ALDH1L2: variants seen among roughly 807,000 people sequenced by gnomAD.
ALDH1L2 encodes aldehyde dehydrogenase 1 family member L2, also known as mitochondrial 10-formyltetrahydrofolate dehydrogenase.
A neutral mutation model predicts 111.0 loss-of-function variants in ALDH1L2; 91 were observed. The ratio of observed to expected loss-of-function variants is 0.82; its 90% CI spans 0.69 to 0.98. The LOEUF (loss-of-function observed/expected upper bound fraction) is 0.98. Ranked by LOEUF, ALDH1L2 falls within the 50% of genes least tolerant of loss-of-function variation. ALDH1L2 has a pLI of 0.00. For synonymous variants in ALDH1L2, 374 were observed against 392.6 expected, an observed-to-expected ratio of 0.95 and a Z score of 0.56; for missense variants, 995 against 1,126.8, an observed-to-expected ratio of 0.88 and a Z score of 1.67.
Position 105,020,574 on chromosome 12 carries a change from T to C in ALDH1L2, c.*3850A>G, listed in dbSNP as rs1365501871. 1 of 152,216 alleles carries C rather than the reference T, an allele frequency of 6.6e-6. No individual in the cohort carries two copies. Among genetic ancestry groups the C allele is most frequent in the Admixed American group, 6.5e-5 (1 of 15,276 alleles). The allele number at this position is 152,216 out of a possible 1,614,324, so 9.4% of individuals were successfully genotyped here. A position where few individuals can be genotyped will look rare whatever the true frequency, so the allele number is the denominator to read the frequency against. ...TTACATTCTAATGGGAAAAGATCAT[T>C]GATTAATATACAACAGGTAGTGATA... On this transcript the variant is annotated 3_prime_UTR_variant, in exon 23 of 23. Transcript: ENST00000258494.
intron 9 of ALDH1L2, among the ~76,000 whole-genome samples, chr12:105,059,906 A>G (rs1242788658): frequency 1.3e-5 from 2 of 152,186 alleles, no homozygotes; most frequent in African/African-American, 4.8e-5. Context: ...TATTCTCTGT[A>G]CCCACCATCA....
chr12:105,083,655 A>G (rs1204471783), intron 1 of ALDH1L2, among the ~76,000 whole-genome samples: 2 of 151,528 alleles, frequency 1.3e-5, no homozygotes, highest in African/African-American at 4.9e-5. Flanking sequence ...TTCCCTAAAC[A>G]GTCCCGAGGC....
intron 18 of ALDH1L2, among the ~76,000 whole-genome samples, chr12:105,036,202 ACGT>A (rs1875046289): frequency 2.5e-5 from 1 of 40,516 alleles, no homozygotes; most frequent in Non-Finnish European, 3.5e-5. Context: ...TAATATATAC[ACGT>A]ATATTTATAT....
intron 19 of ALDH1L2, among the ~76,000 whole-genome samples, chr12:105,032,688 T>G (rs1394070306): frequency 6.6e-6 from 1 of 152,254 alleles, no homozygotes; most frequent in Non-Finnish European, 1.5e-5. Context: ...AACCACTATC[T>G]ACTAGCACAA....
intron 16 of ALDH1L2, among the ~76,000 whole-genome samples, chr12:105,040,145 A>C (rs1875443249): frequency 2.0e-5 from 3 of 151,676 alleles, no homozygotes; most frequent in South Asian, 2.1e-4. Flanking sequence ...AAAAAAAAAA[A>C]AAAAAAACCT....
At chr12:105,040,977 A>G (rs1376672303) in intron 15 of ALDH1L2, among the ~76,000 whole-genome samples, 1 of 152,206 alleles carries the variant, frequency 6.6e-6, no homozygotes, top group Non-Finnish European at 1.5e-5. Flanking sequence ...AAATTTAAGG[A>G]ATATCTGTTT....
chr12:105,049,780 G>T, intron 13 of ALDH1L2, 128 bp downstream of exon 13: 1 of 1,058,972 alleles, frequency 9.4e-7, no homozygotes, highest in Non-Finnish European at 1.3e-6. Context: ...AGCATAAAAT[G>T]GATTGAGACA....
At chr12:105,045,094 G>GTTT (rs1389424791) in intron 15 of ALDH1L2, among the ~76,000 whole-genome samples, 2 of 122,508 alleles carry the variant, frequency 1.6e-5, no homozygotes, top group African/African-American at 2.8e-5. Context: ...TTGTTTGTTT[G>GTTT]TTTTTTGAGA....
chr12:105,068,704 G>A lies in ALDH1L2; in HGVS notation c.594+15C>T. The A allele has an allele frequency of 1.4e-6, 2 of 1,433,616 alleles. No homozygotes were observed. The highest frequency in any genetic ancestry group is 1.7e-5 in the South Asian group (1 of 59,862). 88.8% of individuals were successfully genotyped at this position (1,433,616 alleles called of 1,614,324 possible). ...TTAAAGGTTTACTAAATTCTGGGTG[G>A]CAAAATATACTAACCATGGCCTTGA... On this transcript the variant is annotated intron_variant, in intron 4 of 22. Coordinates refer to ENST00000258494, the MANE Select transcript of ALDH1L2 (RefSeq NM_001034173.4).
At chr12:105,038,254 TCTCTCTCA>T in intron 17 of ALDH1L2, 52 bp from the exon 18 acceptor site, 3 of 779,510 alleles carry the variant, frequency 3.8e-6, no homozygotes, top group East Asian at 2.9e-5. Flanking sequence ...TCTCTCTCTC[TCTCTCTCA>T]CACACACACA....
intron 17 of ALDH1L2, 62 bp downstream of exon 17, chr12:105,039,651 A>G: frequency 6.8e-7 from 1 of 1,461,018 alleles, no homozygotes; most frequent in African/African-American, 1.4e-5. Flanking sequence ...TACCCTGTTT[A>G]AACAAAAATT....
intron 3 of ALDH1L2, among the ~76,000 whole-genome samples, chr12:105,069,347 TC>T (rs1187462616): frequency 1.3e-5 from 2 of 152,200 alleles, no homozygotes; most frequent in Non-Finnish European, 2.9e-5. Flanking sequence ...GATTATTAAT[TC>T]AAGCTAATAC....
At chr12:105,050,465 TACAAAC>T (rs1244231354) in intron 12 of ALDH1L2, 13 of 214,780 alleles carry the variant, frequency 6.1e-5, no homozygotes, top group Admixed American at 1.1e-4. Flanking sequence ...CACAATGAAT[TACAAAC>T]ACTGCAACAG....
At position 105,023,720 on chromosome 12, in the gene ALDH1L2, A is replaced by T. The variant is rs1874272663; in HGVS notation, c.*704T>A. 6.6e-6 allele frequency: 1 copy of T among 152,192 alleles called. No homozygotes were observed. Among genetic ancestry groups the T allele is most frequent in the South Asian group, 2.1e-4 (1 of 4,830 alleles). The allele number at this position is 152,192 out of a possible 1,614,324, so 9.4% of individuals were successfully genotyped here. ...AGGAAGATGGTATGATACGACCAGG[A>T]TCAGCCTTCTACTATATCATATGTA... On this transcript the variant is annotated 3_prime_UTR_variant, in exon 23 of 23. Transcript: ENST00000258494.
chr12:105,073,761 A>T, intron 2 of ALDH1L2, 100 bp downstream of exon 2: 1 of 1,497,960 alleles, frequency 6.7e-7, no homozygotes, highest in Non-Finnish European at 9.0e-7. Context: ...TGGCGCTGTG[A>T]TAGTAGGGGC....
chr12:105,051,960 C>G lies in ALDH1L2; in HGVS notation c.1535+130G>C. 3 of 829,672 alleles carry G rather than the reference C, an allele frequency of 3.6e-6. No individual in the cohort carries two copies. In the South Asian group the frequency reaches 6.2e-5, roughly 17 times the overall value. The allele number at this position is 829,672 out of a possible 1,614,324, so 51.4% of individuals were successfully genotyped here. A position where few individuals can be genotyped will look rare whatever the true frequency, so the allele number is the denominator to read the frequency against. On this transcript the variant is annotated intron_variant, in intron 12 of 22. Transcript: ENST00000258494. ...CCACCACTCACGCCTGTAATCCCAG[C>G]ACTTTGGGAGGCTGAGGCAGGTGAA... is the stretch of plus-strand genomic sequence containing the variant.
chr12:105,046,404 C>A (rs78283758), intron 15 of ALDH1L2, among the ~76,000 whole-genome samples: 11,601 of 150,542 alleles, frequency 0.077, 839 homozygotes, highest in East Asian at 0.19. Flanking sequence ...CTAAATAATT[C>A]CCTAATTGTT....
At chr12:105,038,516 A>C (rs1452177665) in intron 17 of ALDH1L2, among the ~76,000 whole-genome samples, 4 of 151,922 alleles carry the variant, frequency 2.6e-5, no homozygotes, top group African/African-American at 7.3e-5. Flanking sequence ...AAAATAAGAA[A>C]ATTAGGTAGG....
chr12:105,041,164 C>T (rs1469512788), intron 15 of ALDH1L2, among the ~76,000 whole-genome samples: 1 of 152,122 alleles, frequency 6.6e-6, no homozygotes, highest in Non-Finnish European at 1.5e-5. Context: ...ACCAATTATC[C>T]CAATAATGTC....
Sources: gnomAD v4.1 joint callset for allele counts (sites outside exome capture counted in the v4.1 genomes callset) on GRCh38, gnomAD v4.1.1 for gene constraint, MANE v1.5 for transcripts, NCBI Gene and HGNC (gene_info 2026-07-23, HGNC 2026-07-21) for gene names.